WLS: variants seen among roughly 807,000 people sequenced by gnomAD.
The protein encoded by WLS is Wnt ligand secretion mediator.
In WLS, 23 loss-of-function variants were observed where a neutral mutation model predicts 62.8. The observed-to-expected ratio is 0.37, with a 90% CI of 0.26 to 0.52. WLS has a LOEUF of 0.52. Ranked by LOEUF, WLS falls within the 20% of genes least tolerant of loss-of-function variation. The pLI, the probability that WLS is intolerant of heterozygous loss-of-function variation, is 0.92. For missense variants in WLS, 615 were observed against 697.3 expected (o/e 0.88, Z 1.33); for synonymous variants, 246 against 244.1 (o/e 1.01, Z -0.07).
At chr1:68,161,825 G>C (rs1343148741) in intron 2 of WLS, 20 of 1,604,880 alleles carry the variant, frequency 1.2e-5, no homozygotes, top group Non-Finnish European at 1.2e-5. Flanking sequence ...GCCTGGGAAG[G>C]ATGTGCCACT....
intron 2 of WLS, among the ~76,000 whole-genome samples, chr1:68,181,137 A>G (rs891443446): frequency 1.3e-5 from 2 of 150,432 alleles, no homozygotes; most frequent in Non-Finnish European, 1.5e-5. Flanking sequence ...TTTTTAAGTT[A>G]ACCAAGATAA....
intron 2 of WLS, among the ~76,000 whole-genome samples, chr1:68,190,473 T>C (rs2100593580): frequency 6.6e-6 from 1 of 152,326 alleles, no homozygotes; most frequent in African/African-American, 2.4e-5. Flanking sequence ...GTTTGCAAGA[T>C]TCAGCGGTTT....
At chr1:68,126,388 C>T in intron 11 of WLS, 53 bp from the exon 12 acceptor site, 1 of 1,607,560 alleles carries the variant, frequency 6.2e-7, no homozygotes, top group Non-Finnish European at 8.5e-7. Flanking sequence ...GAGAAGCAAG[C>T]TGGGGTTCAT....
Position 68,148,185 on chromosome 1 carries a change from G to A in WLS, c.1085C>T (p.Thr362Met), listed in dbSNP as rs200839533. The A allele has an allele frequency of 3.8e-5, 61 of 1,614,006 alleles. No homozygotes were observed. In the Admixed American group the frequency reaches 4.3e-4, roughly 11 times the overall value. ...AGTCCAGATACTGTAGAAGGGATTC[G>A]TGAGTTGTACCCCTCTACAAAGAAA... is the stretch of plus-strand genomic sequence containing the variant. ...FDMCERGVQLTNPFYSIWTTD... is the reference protein window; with the variant it reads ...FDMCERGVQLMNPFYSIWTTD... The change falls in exon 8 of 12, where the codon ACG (threonine) becomes ATG (methionine). Residue 362 changes from threonine to methionine, a missense_variant. Transcript: ENST00000262348.
In WLS at chr1:68,144,565, T is replaced by A; in HGVS notation, c.1362+4A>T. Reference sequence around the variant, plus strand: ...CTCACCTTGACATCTCAGGGTCCACTTACCTGACTAACGATGAAGAAGATG... The same window carrying A: ...CTCACCTTGACATCTCAGGGTCCACATACCTGACTAACGATGAAGAAGATG... On this transcript the variant is annotated splice_donor_region_variant and intron_variant, in intron 10 of 11. Transcript: ENST00000262348. 6.2e-7 allele frequency: 1 copy of A among 1,613,070 alleles called. No homozygotes were observed. Among genetic ancestry groups the A allele is most frequent in the Non-Finnish European group, 8.5e-7 (1 of 1,179,294 alleles).
intron 2 of WLS, among the ~76,000 whole-genome samples, chr1:68,169,548 C>T (rs1041499689): frequency 4.6e-5 from 7 of 152,188 alleles, no homozygotes; most frequent in Admixed American, 2.0e-4. Flanking sequence ...TGCATGCTCA[C>T]TTTTCACCAG....
intron 11 of WLS, among the ~76,000 whole-genome samples, chr1:68,118,364 GTGAGGATGCGGGCCAC>G (rs1646320574): frequency 6.6e-6 from 1 of 152,194 alleles, no homozygotes; most frequent in South Asian, 2.1e-4. Context: ...CGTAGTGTCA[GTGAGGATGCGGGCCAC>G]AGCCTCTCTC....
chr1:68,099,000 C>T (rs1376199568), intron 11 of WLS, among the ~76,000 whole-genome samples: 2 of 152,044 alleles, frequency 1.3e-5, no homozygotes, highest in Non-Finnish European at 1.5e-5. Flanking sequence ...CCTCCACATT[C>T]AACAAATTTT....
intron 11 of WLS, among the ~76,000 whole-genome samples, chr1:68,109,061 C>A (rs1287284713): frequency 6.6e-6 from 1 of 152,170 alleles, no homozygotes; most frequent in African/African-American, 2.4e-5. Flanking sequence ...AAGTTATGTA[C>A]CACTTATGCA....
chr1:68,181,827 C>A (rs1647592253), intron 2 of WLS, among the ~76,000 whole-genome samples: 1 of 152,208 alleles, frequency 6.6e-6, no homozygotes, highest in Admixed American at 6.5e-5. Flanking sequence ...GAACCACAAA[C>A]ACTCTTACTT....
chr1:68,228,541 AT>A (rs1650260767), intron 1 of WLS, among the ~76,000 whole-genome samples: 1 of 152,126 alleles, frequency 6.6e-6, no homozygotes, highest in South Asian at 2.1e-4. Context: ...AAAGAGAATT[AT>A]TTTTAAGTTT....
At position 68,162,091 on chromosome 1, in the gene WLS, C is replaced by T. The variant is rs562310780; in HGVS notation, c.380-2844G>A. The T allele has an allele frequency of 1.8e-5, 28 of 1,569,012 alleles. No individual in the cohort carries two copies. The African/African-American group carries it at 2.4e-4, about 14-fold the overall frequency. The stretch of plus-strand genomic sequence containing the variant: ...GCGGATCTCAGTGGCAGCTGCCTCC[C>T]TCATCTCCAGTGACGCCTGCTTGCT... On this transcript the variant is annotated intron_variant, in intron 2 of 11. Coordinates refer to ENST00000262348, the MANE Select transcript of WLS (RefSeq NM_024911.7).
At chr1:68,157,575 C>T (rs2100492782) in intron 3 of WLS, among the ~76,000 whole-genome samples, 1 of 56,844 alleles carries the variant, frequency 1.8e-5, no homozygotes, top group Non-Finnish European at 3.4e-5. Context: ...CAGGTGGCAA[C>T]TTGACTTTTT....
rs1335842475 is a variant in WLS at position 68,148,619 on chromosome 1, T to C, written c.1014A>G (p.Gln338=). Residue 338 remains glutamine (Q), a synonymous_variant, in exon 7 of 12, where the codon CAA becomes CAG. Transcript: ENST00000262348. ...ERNHIAGYWK[Q]VGPIAVGSFC... The stretch of plus-strand genomic sequence containing the variant: ...AGGAGCCAACGGCAATGGGTCCGAC[T>C]TGCTTCCAATACCCTGCGATGTGGT... 6.2e-7 allele frequency: 1 copy of C among 1,614,104 alleles called. No individual in the cohort carries two copies. Among genetic ancestry groups the C allele is most frequent in the Non-Finnish European group, 8.5e-7 (1 of 1,180,016 alleles).
At chr1:68,228,230 T>C (rs905958067) in intron 1 of WLS, 14 of 444,620 alleles carry the variant, frequency 3.1e-5, no homozygotes, top group Non-Finnish European at 5.4e-5. Context: ...CAGTTTATGT[T>C]TGGAATAGTC....
At chr1:68,178,491 A>T (rs528589115) in intron 2 of WLS, among the ~76,000 whole-genome samples, 1 of 152,210 alleles carries the variant, frequency 6.6e-6, no homozygotes, top group Admixed American at 6.5e-5. Context: ...GGCAGATCAC[A>T]AGGTCAGGAG....
intron 1 of WLS, among the ~76,000 whole-genome samples, chr1:68,213,438 C>T (rs898349122): frequency 1.0e-4 from 13 of 125,816 alleles, no homozygotes; most frequent in East Asian, 4.5e-4. Context: ...GCAACAAGAG[C>T]GAAACTTCAT....
intron 1 of WLS, among the ~76,000 whole-genome samples, chr1:68,200,954 A>G (rs1291186980): frequency 6.6e-6 from 1 of 152,212 alleles, no homozygotes; most frequent in East Asian, 1.9e-4. Context: ...CACAGGTGTC[A>G]GAAAAGACTA....
At chr1:68,136,367 T>C (rs1646610462) in intron 11 of WLS, among the ~76,000 whole-genome samples, 1 of 152,162 alleles carries the variant, frequency 6.6e-6, no homozygotes, top group Non-Finnish European at 1.5e-5. Flanking sequence ...AGATGACTCA[T>C]CTTCCACCTC....
Sources: allele counts gnomAD v4.1 joint callset (sites outside exome capture counted in the v4.1 genomes callset), GRCh38; gene constraint gnomAD v4.1.1; transcripts MANE v1.5; gene names NCBI Gene and HGNC (gene_info 2026-07-23, HGNC 2026-07-21).